CALN1: variants seen among roughly 807,000 people sequenced by gnomAD.
The protein encoded by CALN1 is calcium-binding protein 8.
CALN1 carries 17 observed loss-of-function variants against 30.6 expected under a neutral mutation model. The observed-to-expected ratio is 0.56, with a 90% CI of 0.38 to 0.83. The LOEUF (loss-of-function observed/expected upper bound fraction) is 0.83. Ranked by LOEUF, CALN1 falls within the 40% of genes least tolerant of loss-of-function variation. The probability of loss-of-function intolerance (pLI) is 0.00; values close to 1 mark genes in which losing one functional copy is unlikely to be tolerated. For synonymous variants in CALN1, 156 were observed against 131.4 expected, an observed-to-expected ratio of 1.19 and a Z score of -1.28; for missense variants, 291 against 354.9, an observed-to-expected ratio of 0.82 and a Z score of 1.45.
intron 5 of CALN1, among the ~76,000 whole-genome samples, chr7:71,954,382 C>A (rs1021891349): frequency 1.5e-4 from 23 of 152,076 alleles, no homozygotes; most frequent in Non-Finnish European, 3.2e-4. Flanking sequence ...ATCATTTGAA[C>A]CAGGGAGATG....
intron 4 of CALN1, among the ~76,000 whole-genome samples, chr7:72,065,292 CA>C (rs902563361): frequency 1.3e-5 from 2 of 151,966 alleles, no homozygotes; most frequent in Non-Finnish European, 2.9e-5. Flanking sequence ...TACTACAGCC[CA>C]ATCTGTTGAC....
In CALN1 at chr7:72,229,020, C is replaced by T. The variant is rs115464840; in HGVS notation, c.244+49666G>A. On this transcript the variant is annotated intron_variant, in intron 3 of 6. Coordinates refer to ENST00000395275, the MANE Select transcript of CALN1 (RefSeq NM_031468.4). ...CTTGAACTCCTGGGCTCAAGTGATC[C>T]TCCTGAAGTGCTAGAATTACAGGTA... 2.7e-3 allele frequency among the ~76,000 whole-genome samples: 404 copies of T among 151,436 alleles called. 3 individuals carry two copies. The highest frequency in any genetic ancestry group is 9.2e-3 in the African/African-American group (381 of 41,340).
At chr7:71,898,167 T>C (rs1793654531) in intron 5 of CALN1, among the ~76,000 whole-genome samples, 1 of 151,700 alleles carries the variant, frequency 6.6e-6, no homozygotes, top group African/African-American at 2.4e-5. Context: ...CCGTCTCTAC[T>C]AAAAATACAA....
chr7:72,429,071 G>A (rs994371840), intron 1 of CALN1, among the ~76,000 whole-genome samples: 2 of 152,164 alleles, frequency 1.3e-5, no homozygotes, highest in Non-Finnish European at 2.9e-5. Context: ...TTCTTCAGAT[G>A]TGCCCAACAG....
At chr7:71,967,450 A>T (rs1272108565) in intron 5 of CALN1, among the ~76,000 whole-genome samples, 2 of 151,960 alleles carry the variant, frequency 1.3e-5, no homozygotes, top group Admixed American at 6.6e-5. Context: ...AAACATAGCA[A>T]GACCTTGTCT....
At chr7:72,269,262 G>A (rs1161314850) in intron 3 of CALN1, among the ~76,000 whole-genome samples, 4 of 151,992 alleles carry the variant, frequency 2.6e-5, no homozygotes, top group Non-Finnish European at 1.5e-5. Context: ...CAATGCGCAG[G>A]TTTGTTACAT....
In CALN1 at chr7:72,426,192, G is replaced by C. The variant is rs146514387; in HGVS notation, c.-225-13917C>G. Reference sequence around the variant, plus strand: ...CACCTGGATGAAGGGCCAGAAGAAGGTGAGGGGCCCAGGCCCAGCCCAGCC... The same window carrying C: ...CACCTGGATGAAGGGCCAGAAGAAGCTGAGGGGCCCAGGCCCAGCCCAGCC... On this transcript the variant is annotated intron_variant, in intron 1 of 6. Coordinates refer to the CALN1 transcript ENST00000395276. Among the ~76,000 whole-genome samples, 90 of 152,362 alleles carry C rather than the reference G, an allele frequency of 5.9e-4. 1 individual carries two copies. In the East Asian group the frequency reaches 0.017, roughly 28 times the overall value.
intron 5 of CALN1, among the ~76,000 whole-genome samples, chr7:71,973,299 C>T (rs1388393011): frequency 6.6e-6 from 1 of 152,106 alleles, no homozygotes; most frequent in Non-Finnish European, 1.5e-5. Context: ...CCTCAGCCTC[C>T]CAAGTAGCTG....
At chr7:72,123,005 G>GA (rs1808497690) in intron 3 of CALN1, among the ~76,000 whole-genome samples, 1 of 152,166 alleles carries the variant, frequency 6.6e-6, no homozygotes, top group African/African-American at 2.4e-5. Flanking sequence ...TGTTATGGGG[G>GA]AGAGAGACTG....
chr7:71,916,346 C>T (rs1052641311), intron 5 of CALN1, among the ~76,000 whole-genome samples: 1 of 151,660 alleles, frequency 6.6e-6, no homozygotes, highest in African/African-American at 2.4e-5. Flanking sequence ...TGAAACCAAG[C>T]AGAGGACAGG....
chr7:72,428,115 A>T (rs550195080), intron 1 of CALN1, among the ~76,000 whole-genome samples: 89 of 152,280 alleles, frequency 5.8e-4, no homozygotes, highest in African/African-American at 2.0e-3. Context: ...ACTCCCTGCC[A>T]TGCTGTTTTC....
At position 72,106,289 on chromosome 7, in the gene CALN1, G is replaced by A. The variant is rs1267060461; in HGVS notation, c.250C>T (p.Arg84Ter). The A allele has an allele frequency of 1.2e-6, 2 of 1,613,892 alleles. No individual in the cohort carries two copies. The highest frequency in any genetic ancestry group is 1.7e-6 in the Non-Finnish European group (2 of 1,179,978). Residue 84 changes from arginine (R) to a stop codon, truncating the protein, a stop_gained, in exon 4 of 7, where the codon CGA (arginine) becomes TGA (stop). Coordinates refer to ENST00000395275, the MANE Select transcript of CALN1 (RefSeq NM_031468.4). LOFTEE classifies it high-confidence loss of function. ...NISVEELDEI[R>*]EAFRVLDRDG... ...CGGTCCAGAACCCGAAAGGCCTCTCGGATTTCTACAATGGAAAAGCAAAGA... is the reference window on the plus strand; with the variant it reads ...CGGTCCAGAACCCGAAAGGCCTCTCAGATTTCTACAATGGAAAAGCAAAGA...
At chr7:72,085,311 C>T (rs974049383) in intron 4 of CALN1, among the ~76,000 whole-genome samples, 5 of 152,020 alleles carry the variant, frequency 3.3e-5, no homozygotes, top group African/African-American at 1.2e-4. Context: ...CCCATCTCTA[C>T]AAATTTTTTA....
At chr7:72,054,773 G>C (rs1340379700) in intron 4 of CALN1, among the ~76,000 whole-genome samples, 1 of 151,554 alleles carries the variant, frequency 6.6e-6, no homozygotes, top group Non-Finnish European at 1.5e-5. Context: ...GGTGAAGGAG[G>C]GACAGTACCC....
At chr7:72,051,990 T>A (rs1299431947) in intron 4 of CALN1, among the ~76,000 whole-genome samples, 1 of 152,228 alleles carries the variant, frequency 6.6e-6, no homozygotes, top group African/African-American at 2.4e-5. Flanking sequence ...ATGCTTGTTA[T>A]CATTTTTATT....
the CALN1 span, among the ~76,000 whole-genome samples, chr7:72,478,532 C>T: frequency 6.6e-6 from 1 of 151,782 alleles, no homozygotes; most frequent in South Asian, 2.1e-4. Context: ...CCACTGCACT[C>T]CAGCCTGGGT....
intron 4 of CALN1, among the ~76,000 whole-genome samples, chr7:72,040,999 A>G (rs1279521022): frequency 6.6e-6 from 1 of 152,238 alleles, no homozygotes; most frequent in African/African-American, 2.4e-5. Context: ...AGCAGAGCTG[A>G]TGCCATCTTA....
chr7:71,987,215 C>T (rs1450188074), intron 5 of CALN1, among the ~76,000 whole-genome samples: 1 of 152,008 alleles, frequency 6.6e-6, no homozygotes, highest in African/African-American at 2.4e-5. Context: ...TGATGGGATA[C>T]ATTTTAAAGG....
At chr7:71,790,595 C>G (rs1793325511) in intron 6 of CALN1, among the ~76,000 whole-genome samples, 1 of 152,212 alleles carries the variant, frequency 6.6e-6, no homozygotes, top group African/African-American at 2.4e-5. Flanking sequence ...CCCCAGATAG[C>G]TTAGAGGAGA....
Sources: gnomAD v4.1 joint callset for allele counts (sites outside exome capture counted in the v4.1 genomes callset) on GRCh38, gnomAD v4.1.1 for gene constraint, MANE v1.5 for transcripts, NCBI Gene and HGNC (gene_info 2026-07-23, HGNC 2026-07-21) for gene names.